GRID2: variants seen among roughly 807,000 people sequenced by gnomAD.
GRID2 encodes glutamate receptor ionotropic, delta-2.
GRID2 carries 33 observed loss-of-function variants against 114.8 expected under a neutral mutation model. That is an observed-to-expected ratio of 0.29 (90% confidence interval 0.22 to 0.38). GRID2 has a LOEUF of 0.38. Among genes scored for constraint, GRID2 ranks in the 10% least tolerant of loss-of-function variants. The pLI is 1.00. For missense variants in GRID2, 1,184 were observed against 1,257.7 expected (o/e 0.94, Z 0.89); for synonymous variants, 505 against 449.9 (o/e 1.12, Z -1.55).
chr4:92,616,625 A>T (rs1730015734), intron 2 of GRID2, among the ~76,000 whole-genome samples: 1 of 151,186 alleles, frequency 6.6e-6, no homozygotes, highest in Admixed American at 6.6e-5. Context: ...TTTTGTTATT[A>T]TATATGTTTT....
At chr4:92,741,355 A>G (rs535098628) in intron 2 of GRID2, among the ~76,000 whole-genome samples, 12 of 152,288 alleles carry the variant, frequency 7.9e-5, no homozygotes, top group Admixed American at 3.9e-4. Flanking sequence ...TACAATTGCC[A>G]TAAATGTAGT....
chr4:92,470,108 A>T (rs1405426600), intron 1 of GRID2, among the ~76,000 whole-genome samples: 1 of 151,914 alleles, frequency 6.6e-6, no homozygotes, highest in African/African-American at 2.4e-5. Context: ...AGGTGTGAAA[A>T]TTTTTAACAC....
intron 2 of GRID2, among the ~76,000 whole-genome samples, chr4:93,057,162 C>CTGTGTG (rs139689521): frequency 0.017 from 2,490 of 147,886 alleles, 51 homozygotes; most frequent in African/African-American, 0.045. Flanking sequence ...GTATGTGTGT[C>CTGTGTG]TGTGTGTGTG....
At chr4:92,470,416 A>T (rs1721977818) in intron 1 of GRID2, among the ~76,000 whole-genome samples, 1 of 152,036 alleles carries the variant, frequency 6.6e-6, no homozygotes, top group African/African-American at 2.4e-5. Context: ...AAAATTCAAA[A>T]TTTTAACTTA....
chr4:93,496,563 C>T (rs1204766636), intron 12 of GRID2, among the ~76,000 whole-genome samples: 1 of 151,736 alleles, frequency 6.6e-6, no homozygotes, highest in East Asian at 1.9e-4. Flanking sequence ...CCTCTGGTAA[C>T]TTACTGTGTT....
intron 2 of GRID2, among the ~76,000 whole-genome samples, chr4:92,847,632 A>G (rs1485517618): frequency 6.6e-6 from 1 of 152,068 alleles, no homozygotes; most frequent in Non-Finnish European, 1.5e-5. Context: ...ATTCTTACAT[A>G]CACAGCTATA....
Position 93,160,521 on chromosome 4 carries a change from T to A in GRID2, c.736-46883T>A, listed in dbSNP as rs117166417. On this transcript the variant is annotated intron_variant, in intron 4 of 15. Coordinates refer to ENST00000282020, the MANE Select transcript of GRID2 (RefSeq NM_001510.4). ...AATTGTGTTTTCAGTGAAATTGGTG[T>A]TCTGTGTCCTCCAAGTCCCCCTCTA... Among the ~76,000 whole-genome samples, 540 of 151,892 alleles carry A rather than the reference T, an allele frequency of 3.6e-3. 8 individuals are homozygous for A. The East Asian group carries it at 0.052, about 15-fold the overall frequency.
intron 14 of GRID2, among the ~76,000 whole-genome samples, chr4:93,659,912 G>A (rs1723335456): frequency 6.6e-6 from 1 of 151,388 alleles, no homozygotes; most frequent in East Asian, 1.9e-4. Flanking sequence ...TTTTCATAAT[G>A]GAATCTCTAA....
intron 2 of GRID2, among the ~76,000 whole-genome samples, chr4:92,719,919 T>C (rs2149316609): frequency 6.6e-6 from 1 of 152,286 alleles, no homozygotes; most frequent in Non-Finnish European, 1.5e-5. Context: ...GGTGTTCTGC[T>C]TCTTCTCCTA....
At chr4:92,546,336 G>A (rs904291580) in intron 1 of GRID2, among the ~76,000 whole-genome samples, 18 of 152,000 alleles carry the variant, frequency 1.2e-4, no homozygotes, top group South Asian at 8.3e-4. Context: ...ATTATTTTTC[G>A]TTATCACACT....
intron 14 of GRID2, among the ~76,000 whole-genome samples, chr4:93,759,662 G>T (rs1417151126): frequency 1.3e-5 from 2 of 152,110 alleles, no homozygotes; most frequent in African/African-American, 4.8e-5. Context: ...TCCTTGTTCT[G>T]ATAACATTGG....
intron 2 of GRID2, among the ~76,000 whole-genome samples, chr4:92,649,426 TTTTTC>T (rs898358011): frequency 6.6e-6 from 1 of 151,418 alleles, no homozygotes; most frequent in Admixed American, 6.6e-5. Context: ...CTGCCTTTTT[TTTTTC>T]TTTTCAGACC....
At chr4:92,398,270 C>A (rs558964658) in intron 1 of GRID2, among the ~76,000 whole-genome samples, 1 of 152,154 alleles carries the variant, frequency 6.6e-6, no homozygotes, top group South Asian at 2.1e-4. Context: ...TGTATCAAAT[C>A]AATCATTTAT....
chr4:93,575,516 C>T (rs1427994124), intron 13 of GRID2, among the ~76,000 whole-genome samples: 2 of 152,122 alleles, frequency 1.3e-5, no homozygotes, highest in African/African-American at 4.8e-5. Flanking sequence ...TGCCACTTAA[C>T]AGCCATTGTG....
At chr4:93,482,948 A>G (rs921162929) in intron 11 of GRID2, among the ~76,000 whole-genome samples, 5 of 151,926 alleles carry the variant, frequency 3.3e-5, no homozygotes, top group Non-Finnish European at 7.4e-5. Context: ...TTACCCCCAC[A>G]TCTTCTGTCA....
intron 2 of GRID2, among the ~76,000 whole-genome samples, chr4:92,656,717 AT>A (rs1202059763): frequency 5.3e-5 from 8 of 151,696 alleles, no homozygotes. Flanking sequence ...TGCAATGAAA[AT>A]TAATAAATCT....
At chr4:93,347,685 C>T (rs1373148079) in intron 8 of GRID2, among the ~76,000 whole-genome samples, 1 of 152,038 alleles carries the variant, frequency 6.6e-6, no homozygotes, top group East Asian at 1.9e-4. Context: ...ACTTAGTTAA[C>T]AACCCTGTAA....
rs537584537 is a variant in GRID2, at chr4:92,478,645, T to C, written c.89-111486T>C. 3.9e-5 allele frequency among the ~76,000 whole-genome samples: 6 copies of C among 152,280 alleles called. No individual in the cohort carries two copies. In the South Asian group the frequency reaches 1.2e-3, roughly 32 times the overall value. On this transcript the variant is annotated intron_variant, in intron 1 of 15. Transcript: ENST00000282020. ...GCCAAAGCAAAAGTATGAAATAGTT[T>C]TGATCACCATGCTGTGATCATACTT...
At chr4:92,482,764 T>C (rs1372259248) in intron 1 of GRID2, among the ~76,000 whole-genome samples, 4 of 152,188 alleles carry the variant, frequency 2.6e-5, no homozygotes, top group Non-Finnish European at 2.9e-5. Flanking sequence ...TTAAAAACTC[T>C]AACGGAAGAA....
Sources: allele counts gnomAD v4.1 joint callset (sites outside exome capture counted in the v4.1 genomes callset), GRCh38; gene constraint gnomAD v4.1.1; transcripts MANE v1.5; gene names NCBI Gene and HGNC (gene_info 2026-07-23, HGNC 2026-07-21).